The following TMEM132C variants were observed in gnomAD, a reference collection of about 807,000 sequenced individuals.
TMEM132C encodes the protein protein phosphatase 1, regulatory subunit 152.
Under a neutral mutation model 61.4 loss-of-function variants are expected in TMEM132C, and 29 were observed. The observed-to-expected ratio is 0.47, with a 90% CI of 0.35 to 0.64. The LOEUF is 0.64. Among genes scored for constraint, TMEM132C ranks in the 30% least tolerant of loss-of-function variants. The pLI is 0.00. For missense variants in TMEM132C, 1,408 were observed against 1,476.9 expected (o/e 0.95, Z 0.76); for synonymous variants, 656 against 633.1 (o/e 1.04, Z -0.54).
intron 2 of TMEM132C, among the ~76,000 whole-genome samples, chr12:128,459,512 G>A (rs369659186): frequency 6.6e-6 from 1 of 152,088 alleles, no homozygotes; most frequent in East Asian, 1.9e-4. Context: ...AGCATGACTC[G>A]GAAGTCTCTC....
intron 5 of TMEM132C, among the ~76,000 whole-genome samples, chr12:128,674,839 T>G (rs1954567923): frequency 6.6e-6 from 1 of 151,276 alleles, no homozygotes; most frequent in Non-Finnish European, 1.5e-5. Context: ...CCCCCAAAAT[T>G]CCCCCCAAGG....
At chr12:128,655,965 C>T (rs1360447199) in intron 4 of TMEM132C, among the ~76,000 whole-genome samples, 3 of 152,198 alleles carry the variant, frequency 2.0e-5, no homozygotes, top group Admixed American at 6.5e-5. Context: ...ATTTCACATA[C>T]ATAAGTAAGG....
At chr12:128,308,099 CTGGG>C (rs1027636718) in intron 1 of TMEM132C, among the ~76,000 whole-genome samples, 2 of 152,126 alleles carry the variant, frequency 1.3e-5, no homozygotes, top group Non-Finnish European at 2.9e-5. Context: ...CTCTTTACAC[CTGGG>C]TTGTGAGTCC....
At chr12:128,440,619 G>A (rs776085061) in intron 2 of TMEM132C, among the ~76,000 whole-genome samples, 1 of 152,130 alleles carries the variant, frequency 6.6e-6, no homozygotes, top group South Asian at 2.1e-4. Flanking sequence ...ATATCACATG[G>A]CCAGATCTGA....
intron 2 of TMEM132C, among the ~76,000 whole-genome samples, chr12:128,515,926 A>G (rs538243237): frequency 9.0e-4 from 137 of 152,336 alleles, no homozygotes; most frequent in South Asian, 3.3e-3. Context: ...GGTATATTAT[A>G]GGATCCACAG....
intron 3 of TMEM132C, among the ~76,000 whole-genome samples, chr12:128,569,481 C>T (rs1874802358): frequency 6.6e-6 from 1 of 152,038 alleles, no homozygotes; most frequent in African/African-American, 2.4e-5. Flanking sequence ...TCACCTACTA[C>T]AGCAAATATA....
In TMEM132C at chr12:128,697,271, C is replaced by A; in HGVS notation, c.1977C>A (p.Thr659=). The A allele has an allele frequency of 3.2e-6, 5 of 1,543,436 alleles. No homozygotes were observed. Among genetic ancestry groups the A allele is most frequent in the South Asian group, 1.2e-5 (1 of 83,622 alleles). The stretch of plus-strand genomic sequence containing the variant: ...CCATCCTGGCAGAGAAGACAATAAC[C>A]GTGCTAGATGACAAAGTATCGGTGA... ...SDSILAEKTI[T]VLDDKVSVTD... is the part of the protein sequence containing the mutation. The change falls in exon 8 of 9, where the codon ACC becomes ACA. Residue 659 remains threonine, a synonymous_variant. Transcript: ENST00000435159.
intron 4 of TMEM132C, among the ~76,000 whole-genome samples, chr12:128,662,612 T>G (rs1386517842): frequency 6.6e-6 from 1 of 152,172 alleles, no homozygotes; most frequent in East Asian, 1.9e-4. Context: ...AGTCAGTCAC[T>G]CAGCTCCATG....
intron 1 of TMEM132C, among the ~76,000 whole-genome samples, chr12:128,380,744 C>T (rs1874374627): frequency 6.6e-6 from 1 of 152,130 alleles, no homozygotes; most frequent in South Asian, 2.1e-4. Context: ...GACCCCATCT[C>T]TTTAAAAAAA....
At chr12:128,441,948 G>A (rs1313663545) in intron 2 of TMEM132C, among the ~76,000 whole-genome samples, 1 of 152,204 alleles carries the variant, frequency 6.6e-6, no homozygotes, top group African/African-American at 2.4e-5. Flanking sequence ...GTTGCACTGA[G>A]CCGGGATCGC....
At chr12:128,476,576 G>T (rs1871162301) in intron 2 of TMEM132C, among the ~76,000 whole-genome samples, 1 of 152,158 alleles carries the variant, frequency 6.6e-6, no homozygotes, top group Non-Finnish European at 1.5e-5. Context: ...ACTGGGAAAT[G>T]CATTTAGTGT....
At chr12:128,655,818 G>A (rs1039608677) in intron 4 of TMEM132C, among the ~76,000 whole-genome samples, 2 of 152,004 alleles carry the variant, frequency 1.3e-5, no homozygotes, top group Non-Finnish European at 2.9e-5. Context: ...TTGTTGTAAC[G>A]CATTCCAGTA....
At chr12:128,622,687 C>G (rs561180862) in intron 4 of TMEM132C, among the ~76,000 whole-genome samples, 1 of 151,856 alleles carries the variant, frequency 6.6e-6, no homozygotes, top group African/African-American at 2.4e-5. Flanking sequence ...TGGGGAAGCG[C>G]GTTAGCAATA....
At chr12:128,643,750 G>A (rs756724251) in intron 4 of TMEM132C, among the ~76,000 whole-genome samples, 15 of 152,012 alleles carry the variant, frequency 9.9e-5, no homozygotes, top group Non-Finnish European at 2.2e-4. Flanking sequence ...AACTGCTCTC[G>A]TTTTCTTTAG....
At chr12:128,562,059 A>G (rs928396395) in intron 3 of TMEM132C, among the ~76,000 whole-genome samples, 6 of 152,116 alleles carry the variant, frequency 3.9e-5, no homozygotes, top group South Asian at 2.1e-4. Flanking sequence ...TAAGGATCCA[A>G]TGCGCGTCTA....
chr12:128,422,501 A>G (rs984088016), intron 2 of TMEM132C, among the ~76,000 whole-genome samples: 3 of 152,114 alleles, frequency 2.0e-5, no homozygotes, highest in African/African-American at 7.2e-5. Context: ...CATGGAAGAG[A>G]TTTGTTCTCT....
In TMEM132C at chr12:128,530,154, G is replaced by T. The variant is rs371425088; in HGVS notation, c.975-13803G>T. 5.9e-5 allele frequency among the ~76,000 whole-genome samples: 9 copies of T among 152,220 alleles called. 1 individual carries two copies. In the East Asian group the frequency reaches 1.2e-3, roughly 20 times the overall value. Reference sequence around the variant, plus strand: ...AGATGTGCAGATGGAGTCTCCGCAGGCGTAGACGATGCACCCAGGCTAACG... The same window carrying T: ...AGATGTGCAGATGGAGTCTCCGCAGTCGTAGACGATGCACCCAGGCTAACG... On this transcript the variant is annotated intron_variant, in intron 2 of 8. Transcript: ENST00000435159.
At chr12:128,279,809 T>C (rs1390645714) in intron 1 of TMEM132C, among the ~76,000 whole-genome samples, 2 of 152,216 alleles carry the variant, frequency 1.3e-5, no homozygotes, top group East Asian at 1.9e-4. Context: ...TTTGCACTTA[T>C]CACCTCCTGA....
intron 4 of TMEM132C, among the ~76,000 whole-genome samples, chr12:128,617,750 G>A (rs1005245343): frequency 8.5e-5 from 13 of 152,204 alleles, no homozygotes; most frequent in Non-Finnish European, 4.4e-5. Flanking sequence ...CTAAGAGCCT[G>A]TGCATCATGG....
Sources: gnomAD v4.1 joint callset for allele counts (sites outside exome capture counted in the v4.1 genomes callset) on GRCh38, gnomAD v4.1.1 for gene constraint, MANE v1.5 for transcripts, NCBI Gene and HGNC (gene_info 2026-07-23, HGNC 2026-07-21) for gene names.